Variants in ANO3 observed in about 807,000 individuals in gnomAD.
ANO3 encodes anoctamin 3.
ANO3 carries 99 observed loss-of-function variants against 144.8 expected under a neutral mutation model. That is an observed-to-expected ratio of 0.68 (90% CI 0.58 to 0.81). The LOEUF is 0.81. Ranked by LOEUF, ANO3 falls within the 30% of genes least tolerant of loss-of-function variation. The pLI, the probability that ANO3 is intolerant of heterozygous loss-of-function variation, is 0.00. For missense variants in ANO3, 905 were observed against 1,202.2 expected (o/e 0.75, Z 3.66); for synonymous variants, 414 against 392.6 (o/e 1.05, Z -0.64).
chr11:26,412,795 A>AGTGTGTGTGTGTGT (rs60855252), intron 1 of ANO3, among the ~76,000 whole-genome samples: 17,788 of 139,926 alleles, frequency 0.13, 1,332 homozygotes, highest in Non-Finnish European at 0.16. Context: ...GAGAAAGGAA[A>AGTGTGTGTGTGTGT]GTGTGTGTGT....
At position 26,641,936 on chromosome 11, in the gene ANO3, G is replaced by T; in HGVS notation, c.2182G>T (p.Gly728Ter). ...NWWSRHKIKR[G>*]IHDASIPQWE... ...GTGGTCACGACATAAAATCAAGCGG[G>T]GAATACATGATGCTTCCATACCTCA... The change falls in exon 22 of 27, where the codon GGA becomes TGA. Residue 728 changes from glycine to a stop codon, truncating the protein, a stop_gained. Coordinates refer to ENST00000256737, the MANE Select transcript of ANO3 (RefSeq NM_031418.4). LOFTEE classifies it high-confidence loss of function. The T allele has an allele frequency of 1.2e-6, 2 of 1,613,846 alleles. No individual in the cohort carries two copies. The highest frequency in any genetic ancestry group is 1.7e-6 in the Non-Finnish European group (2 of 1,179,944).
chr11:26,370,471 G>A (rs1470683854), intron 1 of ANO3, among the ~76,000 whole-genome samples: 1 of 152,106 alleles, frequency 6.6e-6, no homozygotes, highest in African/African-American at 2.4e-5. Context: ...CAGAGAGTAG[G>A]GCACTGCTGC....
In ANO3 at chr11:26,531,193, A is replaced by T. The variant is rs979813651; in HGVS notation, c.738-12A>T. On this transcript the variant is annotated splice_polypyrimidine_tract_variant and intron_variant, in intron 7 of 26. Transcript: ENST00000256737. Reference sequence around the variant, plus strand: ...CAACCTAATCTAGTTCTCAAATGTGACTTCATTCCAGGATGCAAACTTATT... The same window carrying T: ...CAACCTAATCTAGTTCTCAAATGTGTCTTCATTCCAGGATGCAAACTTATT... The T allele has an allele frequency of 1.2e-6, 2 of 1,613,638 alleles. No homozygotes were observed. The highest frequency in any genetic ancestry group is 2.7e-5 in the African/African-American group (2 of 74,912).
intron 1 of ANO3, among the ~76,000 whole-genome samples, chr11:26,292,922 C>G (rs1044778481): frequency 3.3e-5 from 5 of 152,262 alleles, no homozygotes; most frequent in Admixed American, 1.3e-4. Context: ...TCTCAGATCT[C>G]AAACTCCGTG....
chr11:26,494,803 C>G (rs111548212), intron 4 of ANO3, among the ~76,000 whole-genome samples: 1 of 152,160 alleles, frequency 6.6e-6, no homozygotes, highest in Non-Finnish European at 1.5e-5. Context: ...GGAGGACACA[C>G]GTGAGCTCCA....
intron 17 of ANO3, among the ~76,000 whole-genome samples, chr11:26,609,484 A>G (rs552631873): frequency 6.6e-6 from 1 of 151,562 alleles, no homozygotes; most frequent in South Asian, 2.1e-4. Context: ...AAGATATCAC[A>G]TGCAGGATTC....
intron 1 of ANO3, among the ~76,000 whole-genome samples, chr11:26,409,287 G>C (rs1321716417): frequency 6.6e-6 from 1 of 151,698 alleles, no homozygotes; most frequent in Non-Finnish European, 1.5e-5. Flanking sequence ...TTTATTCCTA[G>C]AGCTGACACT....
upstream of ANO3, among the ~76,000 whole-genome samples, chr11:26,305,578 G>A (rs956765549): frequency 8.5e-5 from 13 of 152,068 alleles, no homozygotes; most frequent in African/African-American, 3.1e-4. Flanking sequence ...AGTCTGCAGA[G>A]ACTTTTTCTC....
intron 14 of ANO3, among the ~76,000 whole-genome samples, chr11:26,567,805 G>A (rs910138800): frequency 2.0e-5 from 3 of 151,988 alleles, no homozygotes; most frequent in East Asian, 3.9e-4. Flanking sequence ...AATAAACTGT[G>A]GTATATTCAG....
chr11:26,444,788 T>A (rs929614349), intron 3 of ANO3, among the ~76,000 whole-genome samples: 1 of 152,228 alleles, frequency 6.6e-6, no homozygotes, highest in African/African-American at 2.4e-5. Context: ...GTATTTATAA[T>A]AGCATTCTGA....
At chr11:26,639,326 G>T (rs1565158965) in intron 21 of ANO3, 85 bp downstream of exon 21, 1 of 978,356 alleles carries the variant, frequency 1.0e-6, no homozygotes, top group East Asian at 2.5e-5. Context: ...TAAGAATTTG[G>T]TCTTGGTAAT....
chr11:26,544,863 G>A (rs1179400662), intron 11 of ANO3, among the ~76,000 whole-genome samples: 1 of 151,810 alleles, frequency 6.6e-6, no homozygotes, highest in African/African-American at 2.4e-5. Flanking sequence ...TGACATAGGA[G>A]GATTTTTTTT....
intron 1 of ANO3, among the ~76,000 whole-genome samples, chr11:26,409,799 C>T (rs1320898600): frequency 2.0e-5 from 3 of 151,892 alleles, no homozygotes; most frequent in South Asian, 2.1e-4. Context: ...GATGTGACAT[C>T]CTCCTTTTGC....
At chr11:26,458,251 A>C (rs1859242056) in intron 3 of ANO3, among the ~76,000 whole-genome samples, 1 of 152,128 alleles carries the variant, frequency 6.6e-6, no homozygotes, top group African/African-American at 2.4e-5. Context: ...GTTTCAGAAG[A>C]TCTCACTGAT....
intron 1 of ANO3, among the ~76,000 whole-genome samples, chr11:26,220,462 C>A (rs1476396681): frequency 6.6e-5 from 10 of 152,182 alleles, no homozygotes; most frequent in Admixed American, 6.5e-4. Context: ...TGTGCCTCTA[C>A]AATACCTAAG....
chr11:26,617,471 T>C (rs960817593), intron 17 of ANO3, among the ~76,000 whole-genome samples: 1 of 152,206 alleles, frequency 6.6e-6, no homozygotes, highest in Non-Finnish European at 1.5e-5. Context: ...TATAGAAGAA[T>C]CTTTTGAGAG....
intron 1 of ANO3, among the ~76,000 whole-genome samples, chr11:26,278,307 G>A (rs1008763759): frequency 6.6e-6 from 1 of 152,096 alleles, no homozygotes; most frequent in Admixed American, 6.6e-5. Flanking sequence ...TATTAATCTT[G>A]AAAATTGTGA....
At chr11:26,191,249 G>A (rs1851469675) in intron 1 of ANO3, among the ~76,000 whole-genome samples, 1 of 151,558 alleles carries the variant, frequency 6.6e-6, no homozygotes, top group African/African-American at 2.4e-5. Flanking sequence ...TTGCACGCCA[G>A]CCTGGGCAAC....
exon 1 of ANO3, chr11:26,309,650 C>T: frequency 1.0e-6 from 1 of 985,268 alleles, no homozygotes; most frequent in Non-Finnish European, 1.2e-6. Context: ...CACAGGTCTG[C>T]AAAAGTTGTG....
Sources: gnomAD v4.1 joint callset for allele counts (sites outside exome capture counted in the v4.1 genomes callset) on GRCh38, gnomAD v4.1.1 for gene constraint, MANE v1.5 for transcripts, NCBI Gene and HGNC (gene_info 2026-07-23, HGNC 2026-07-21) for gene names.